TMEM132B: variants seen among roughly 807,000 people sequenced by gnomAD.
The protein encoded by TMEM132B is transmembrane protein 132B.
TMEM132B carries 18 observed loss-of-function variants against 90.8 expected under a neutral mutation model. The ratio of observed to expected loss-of-function variants is 0.20; its 90% CI spans 0.14 to 0.29. The LOEUF (loss-of-function observed/expected upper bound fraction) is 0.29. Ranked by LOEUF, TMEM132B falls within the 10% of genes least tolerant of loss-of-function variation. The pLI, the probability that TMEM132B is intolerant of heterozygous loss-of-function variation, is 1.00. For missense variants in TMEM132B, 1,096 were observed against 1,326.8 expected, an observed-to-expected ratio of 0.83 and a Z score of 2.70; for synonymous variants, 504 against 523.3, an observed-to-expected ratio of 0.96 and a Z score of 0.50.
At position 125,532,656 on chromosome 12, in the gene TMEM132B, A is replaced by T. The variant is rs187220328; in HGVS notation, c.1293+13031A>T. 2.6e-3 allele frequency among the ~76,000 whole-genome samples: 395 copies of T among 152,000 alleles called. 2 individuals carry two copies. Among genetic ancestry groups the T allele is most frequent in the African/African-American group, 9.1e-3 (378 of 41,456 alleles). On this transcript the variant is annotated intron_variant, in intron 4 of 8. Transcript: ENST00000682704. ...CAGCCTCTTGAGTAGCTGGGATTATAGGTGTGCGCCACCATGCCCAGCTAA... is the reference window on the plus strand; with the variant it reads ...CAGCCTCTTGAGTAGCTGGGATTATTGGTGTGCGCCACCATGCCCAGCTAA...
chr12:125,376,600 G>A (rs1457712709), intron 2 of TMEM132B, among the ~76,000 whole-genome samples: 3 of 152,196 alleles, frequency 2.0e-5, no homozygotes, highest in Admixed American at 2.0e-4. Flanking sequence ...CTCAGAATGG[G>A]ATAGCACCAC....
intron 3 of TMEM132B, among the ~76,000 whole-genome samples, chr12:125,479,810 T>C (rs1019906650): frequency 3.3e-5 from 5 of 152,202 alleles, no homozygotes; most frequent in African/African-American, 9.7e-5. Context: ...TATACATTCT[T>C]CTCAGCACCA....
Position 125,237,351 on chromosome 12 carries a change from A to G in TMEM132B, c.67+50485A>G, listed in dbSNP as rs558295017. ...TCTCACTTCAGACAGGCTTTCCTGC[A>G]CCGCCCCAGCCCAAGCAGGCCTCCC... On this transcript the variant is annotated intron_variant, in intron 1 of 8. Coordinates refer to ENST00000682704, the MANE Select transcript of TMEM132B (RefSeq NM_001366854.1). 5.3e-5 allele frequency among the ~76,000 whole-genome samples: 8 copies of G among 152,222 alleles called. No homozygotes were observed. The South Asian group carries it at 1.2e-3, about 24-fold the overall frequency.
In TMEM132B at chr12:125,209,624, C is replaced by G. The variant is rs1873271632; in HGVS notation, c.67+22758C>G. 6.6e-6 allele frequency among the ~76,000 whole-genome samples: 1 copy of G among 152,234 alleles called. No individual in the cohort carries two copies. The highest frequency in any genetic ancestry group is 1.5e-5 in the Non-Finnish European group (1 of 68,044). On this transcript the variant is annotated intron_variant, in intron 1 of 8. Coordinates refer to ENST00000682704, the MANE Select transcript of TMEM132B (RefSeq NM_001366854.1). This position sits in a 1 kb window ranked among gnomAD's most constrained non-coding sequence, Gnocchi z 4.4. ...GTTCCTTGTCTCTCCAACCCACCGG[C>G]CATTGGCCCAGATCACAGGCACCTC...
At chr12:125,599,008 C>T (rs1304172934) in intron 5 of TMEM132B, among the ~76,000 whole-genome samples, 1 of 152,174 alleles carries the variant, frequency 6.6e-6, no homozygotes, top group Non-Finnish European at 1.5e-5. Context: ...TCATAATCAG[C>T]TTCAAGTCAC....
intron 1 of TMEM132B, among the ~76,000 whole-genome samples, chr12:125,328,845 G>A (rs1012296761): frequency 1.3e-5 from 2 of 152,080 alleles, no homozygotes; most frequent in Non-Finnish European, 2.9e-5. Flanking sequence ...CATGACTCTC[G>A]CTTTTCTTTA....
At position 125,660,314 on chromosome 12, in the gene TMEM132B, T is replaced by C. The variant is rs563353558; in HGVS notation, c.*5604T>C. 1 of 152,278 alleles carries C rather than the reference T, an allele frequency of 6.6e-6. No homozygotes were observed. Among genetic ancestry groups the C allele is most frequent in the East Asian group, 1.9e-4 (1 of 5,182 alleles). The allele number at this position is 152,278 out of a possible 1,614,324, so 9.4% of individuals were successfully genotyped here. On this transcript the variant is annotated 3_prime_UTR_variant, in exon 9 of 9. Coordinates refer to ENST00000682704, the MANE Select transcript of TMEM132B (RefSeq NM_001366854.1). ...AGTTCTCCCCAGATCTCAGCGTGCA[T>C]GCATATATAGAGTTTAGTAAAATGT...
intron 6 of TMEM132B, among the ~76,000 whole-genome samples, chr12:125,648,192 T>G (rs1886816229): frequency 1.3e-5 from 2 of 152,144 alleles, no homozygotes; most frequent in South Asian, 4.2e-4. Context: ...CTGAGAATGA[T>G]GGTTTCCAAT....
rs536556826 is a variant in TMEM132B, at chr12:125,323,702, A to G, written c.68-25750A>G. ...CCTGGCTAATTTCTGTATTTTCAGT[A>G]GAGACAGGGTTTTGCCACGTTGGTC... On this transcript the variant is annotated intron_variant, in intron 1 of 8. Coordinates refer to ENST00000682704, the MANE Select transcript of TMEM132B (RefSeq NM_001366854.1). 4.6e-5 allele frequency among the ~76,000 whole-genome samples: 7 copies of G among 152,206 alleles called. No homozygotes were observed. The East Asian group carries it at 1.4e-3, about 30-fold the overall frequency.
At chr12:125,515,202 ACTC>A (rs1456217952) in intron 3 of TMEM132B, among the ~76,000 whole-genome samples, 1 of 131,332 alleles carries the variant, frequency 7.6e-6, no homozygotes, top group East Asian at 2.5e-4. Context: ...TCTCATGCAC[ACTC>A]AAACACACAC....
chr12:125,348,626 C>T (rs1336716872), intron 1 of TMEM132B, among the ~76,000 whole-genome samples: 2 of 152,052 alleles, frequency 1.3e-5, no homozygotes, highest in Non-Finnish European at 2.9e-5. Flanking sequence ...TGAGCCACCA[C>T]ACCTGGCGGT....
intron 1 of TMEM132B, among the ~76,000 whole-genome samples, chr12:125,239,480 G>A (rs1160580955): frequency 6.6e-6 from 1 of 152,292 alleles, no homozygotes; most frequent in African/African-American, 2.4e-5. Flanking sequence ...GAGTTCCACT[G>A]GATCCTCGTC....
At chr12:125,255,255 C>T (rs1182553379) in intron 1 of TMEM132B, among the ~76,000 whole-genome samples, 1 of 151,594 alleles carries the variant, frequency 6.6e-6, no homozygotes, top group African/African-American at 2.4e-5. Context: ...CTCTCTCTCT[C>T]CTCCTCTCTC....
At chr12:125,348,881 C>A (rs1365200314) in intron 1 of TMEM132B, among the ~76,000 whole-genome samples, 1 of 152,114 alleles carries the variant, frequency 6.6e-6, no homozygotes, top group South Asian at 2.1e-4. Context: ...GATAGATAAG[C>A]CTGTGTGCAT....
At chr12:125,252,997 G>T (rs1285830824) in intron 1 of TMEM132B, among the ~76,000 whole-genome samples, 20 of 152,234 alleles carry the variant, frequency 1.3e-4, no homozygotes. Flanking sequence ...TGTTTGCTCT[G>T]TGTCTGGAGC....
intron 1 of TMEM132B, among the ~76,000 whole-genome samples, chr12:125,206,576 G>T (rs1279290563): frequency 6.6e-6 from 1 of 152,072 alleles, no homozygotes; most frequent in South Asian, 2.1e-4. Flanking sequence ...CTCTGGTCTG[G>T]CTCCTGGACA....
chr12:125,357,693 C>T (rs1023235957), intron 2 of TMEM132B, among the ~76,000 whole-genome samples: 10 of 152,172 alleles, frequency 6.6e-5, no homozygotes, highest in African/African-American at 2.4e-4. Context: ...TATGGAGAGG[C>T]CAGGGCCACA....
At chr12:125,424,598 A>G (rs1488427910) in intron 3 of TMEM132B, among the ~76,000 whole-genome samples, 1 of 152,204 alleles carries the variant, frequency 6.6e-6, no homozygotes, top group Non-Finnish European at 1.5e-5. Context: ...CTTTAAGGCA[A>G]AGACTCTAAT....
intron 5 of TMEM132B, among the ~76,000 whole-genome samples, chr12:125,623,329 G>C (rs1273003780): frequency 1.3e-5 from 2 of 152,182 alleles, no homozygotes; most frequent in Non-Finnish European, 2.9e-5. Context: ...TGCATTGCTT[G>C]TATAGTCTTG....
Sources: allele counts gnomAD v4.1 joint callset (sites outside exome capture counted in the v4.1 genomes callset), GRCh38; gene constraint gnomAD v4.1.1; non-coding constraint Gnocchi (gnomAD v3.1); transcripts MANE v1.5; gene names NCBI Gene and HGNC (gene_info 2026-07-23, HGNC 2026-07-21).